The following TEX9 variants were observed in gnomAD, a reference collection of about 807,000 sequenced individuals.
TEX9 encodes testis expressed 9.
TEX9 carries 74 observed loss-of-function variants against 59.6 expected under a neutral mutation model. The observed-to-expected ratio is 1.24, with a 90% CI of 1.03 to 1.51. The LOEUF (loss-of-function observed/expected upper bound fraction) is 1.51, where lower values mean the gene tolerates loss of function less well. TEX9 is among the 40% of genes most tolerant of loss of function. The probability of loss-of-function intolerance (pLI) is 0.00; values close to 1 mark genes in which losing one functional copy is unlikely to be tolerated. For missense variants in TEX9, 522 were observed against 447.8 expected, an observed-to-expected ratio of 1.17 and a Z score of -1.49; for synonymous variants, 186 against 152.2, an observed-to-expected ratio of 1.22 and a Z score of -1.64.
chr15:56,265,610 C>T (rs549918585), intron 1 of TEX9, among the ~76,000 whole-genome samples: 3 of 152,096 alleles, frequency 2.0e-5, no homozygotes, highest in East Asian at 1.9e-4. Context: ...GTAAGTTCTT[C>T]TGTGACCCAT....
chr15:56,271,025 C>T (rs1047372330), intron 1 of TEX9, among the ~76,000 whole-genome samples: 1 of 152,166 alleles, frequency 6.6e-6, no homozygotes, highest in Non-Finnish European at 1.5e-5. Flanking sequence ...GATGGGCTTC[C>T]CTTTGTGGGT....
At chr15:56,366,248 C>T (rs1294644099) in intron 2 of TEX9, among the ~76,000 whole-genome samples, 1 of 152,202 alleles carries the variant, frequency 6.6e-6, no homozygotes, top group Non-Finnish European at 1.5e-5. Flanking sequence ...TTAATTTGAT[C>T]TACCATGCCT....
intron 1 of TEX9, among the ~76,000 whole-genome samples, chr15:56,269,140 G>C (rs1421728524): frequency 3.9e-5 from 6 of 152,158 alleles, no homozygotes; most frequent in Non-Finnish European, 8.8e-5. Context: ...TCTGATGGTA[G>C]TTTGTATTCC....
At chr15:56,391,310 T>G in exon 7 of TEX9, 1 of 1,604,598 alleles carries the variant, frequency 6.2e-7, no homozygotes, top group South Asian at 1.1e-5. Flanking sequence ...TTTCTCAGAC[T>G]TTTCCCTTGC....
At chr15:56,277,457 C>T (rs2044700787) in intron 1 of TEX9, among the ~76,000 whole-genome samples, 1 of 152,130 alleles carries the variant, frequency 6.6e-6, no homozygotes, top group Admixed American at 6.6e-5. Flanking sequence ...TTGTTTTTAT[C>T]AGGTTTGTTG....
chr15:56,452,261 A>G, the TEX9 span, among the ~76,000 whole-genome samples: 2 of 152,172 alleles, frequency 1.3e-5, no homozygotes, highest in East Asian at 3.9e-4. Context: ...AAAAAGGCAC[A>G]TGGGTGAAAT....
intron 2 of TEX9, 126 bp from the exon 3 acceptor site, chr15:56,373,315 A>G (rs1178518074): frequency 2.6e-6 from 2 of 764,852 alleles, no homozygotes; most frequent in Non-Finnish European, 4.0e-6. Context: ...TTCATTTTAG[A>G]GTAAGAATGC....
intron 1 of TEX9, among the ~76,000 whole-genome samples, chr15:56,278,251 C>T (rs1173674782): frequency 6.6e-6 from 1 of 152,100 alleles, no homozygotes; most frequent in Non-Finnish European, 1.5e-5. Flanking sequence ...TATCCTTTCT[C>T]CTTGTATGTC....
intron 3 of TEX9, among the ~76,000 whole-genome samples, chr15:56,380,967 A>G (rs1309341163): frequency 6.6e-6 from 1 of 152,130 alleles, no homozygotes; most frequent in Non-Finnish European, 1.5e-5. Context: ...AACTTTCTCA[A>G]GGTTTGGGAA....
intron 1 of TEX9, among the ~76,000 whole-genome samples, chr15:56,333,477 T>TTAAA (rs1555434037): frequency 1.2e-4 from 17 of 142,264 alleles, no homozygotes; most frequent in East Asian, 8.1e-4. Flanking sequence ...TCCTTCATGA[T>TTAAA]AAAAAAAAAA....
intron 2 of TEX9, among the ~76,000 whole-genome samples, chr15:56,368,676 G>A (rs186925287): frequency 1.3e-5 from 2 of 152,236 alleles, no homozygotes; most frequent in Admixed American, 6.5e-5. Context: ...TATCATGTAT[G>A]TTTTAAAATA....
At chr15:56,261,166 TA>T (rs2044256160) in intron 1 of TEX9, among the ~76,000 whole-genome samples, 1 of 151,982 alleles carries the variant, frequency 6.6e-6, no homozygotes. Context: ...ATTCTTTTTT[TA>T]AAAAAAGCTT....
chr15:56,312,350 G>A (rs2045642179), intron 1 of TEX9, among the ~76,000 whole-genome samples: 1 of 142,522 alleles, frequency 7.0e-6, no homozygotes, highest in East Asian at 2.0e-4. Flanking sequence ...TCCAGTTTCA[G>A]CTTTCTACAT....
intron 1 of TEX9, among the ~76,000 whole-genome samples, chr15:56,267,148 C>T (rs2044405292): frequency 1.3e-5 from 2 of 152,122 alleles, no homozygotes. Context: ...CTGTTCATGT[C>T]CTTTGCCCAG....
At chr15:56,429,359 CTTTA>C in intron 12 of TEX9, 1 of 552,864 alleles carries the variant, frequency 1.8e-6, no homozygotes, top group South Asian at 2.4e-5. Flanking sequence ...AAAAATAAGA[CTTTA>C]CATATATATT....
chr15:56,258,397 A>G (rs571989493), intron 1 of TEX9, among the ~76,000 whole-genome samples: 88 of 152,224 alleles, frequency 5.8e-4, no homozygotes, highest in Non-Finnish European at 9.6e-4. Context: ...CATTTTCACA[A>G]TATTGATTCT....
At chr15:56,399,699 C>T (rs964949085) in intron 9 of TEX9, among the ~76,000 whole-genome samples, 1 of 152,190 alleles carries the variant, frequency 6.6e-6, no homozygotes, top group Non-Finnish European at 1.5e-5. Flanking sequence ...CTGTGACACA[C>T]CTCCCAGTAG....
intron 1 of TEX9, among the ~76,000 whole-genome samples, chr15:56,268,973 T>C (rs987606204): frequency 2.0e-5 from 3 of 152,178 alleles, no homozygotes; most frequent in Non-Finnish European, 4.4e-5. Context: ...TTTTGGTTGG[T>C]AGGCTATTAA....
rs571500441 is a variant in TEX9 at position 56,246,470 on chromosome 15, A to G, written c.-107+2192A>G. Among the ~76,000 whole-genome samples, 29 of 152,288 alleles carry G rather than the reference A, an allele frequency of 1.9e-4. No individual in the cohort carries two copies. The South Asian group carries it at 6.0e-3, about 32-fold the overall frequency. On this transcript the variant is annotated intron_variant, in intron 1 of 5. Coordinates refer to the TEX9 transcript ENST00000560827. ...AGAAGACTGTGAATAAAATCATGAC[A>G]TTAAGAAATCTGATGAAGTTACCCA...
Sources: allele counts gnomAD v4.1 joint callset (sites outside exome capture counted in the v4.1 genomes callset), GRCh38; gene constraint gnomAD v4.1.1; transcripts MANE v1.5; gene names NCBI Gene and HGNC (gene_info 2026-07-23, HGNC 2026-07-21).